The following ETV4 variants were observed in gnomAD, a reference collection of about 807,000 sequenced individuals.
The protein encoded by ETV4 is ETS translocation variant 4.
A neutral mutation model predicts 65.9 loss-of-function variants in ETV4; 42 were observed. The observed-to-expected ratio is 0.64, with a 90% CI of 0.50 to 0.82. The LOEUF (loss-of-function observed/expected upper bound fraction) is 0.82. ETV4 is among the 40% of genes least tolerant of loss of function. The pLI, the probability that ETV4 is intolerant of heterozygous loss-of-function variation, is 0.00. For missense variants in ETV4, 583 were observed against 630.3 expected (o/e 0.92, Z 0.80); for synonymous variants, 238 against 260.0 (o/e 0.92, Z 0.81).
chr17:43,530,536 A>G (rs1970860411), intron 8 of ETV4: 1 of 820,164 alleles, frequency 1.2e-6, no homozygotes, highest in Admixed American at 4.0e-5. Context: ...TTCGGTGTCC[A>G]CGCCTAAGAC....
At chr17:43,536,905 C>T (rs1484673221) in intron 4 of ETV4, among the ~76,000 whole-genome samples, 1 of 152,240 alleles carries the variant, frequency 6.6e-6, no homozygotes. Context: ...CCTGTCTGAG[C>T]AGATTCCAGT....
At chr17:43,530,583 C>A (rs1034144324) in intron 8 of ETV4, 47 of 425,354 alleles carry the variant, frequency 1.1e-4, no homozygotes, top group Middle Eastern at 7.4e-4. Context: ...GTCAGCAGGT[C>A]AGGTTCCCAG....
rs374876992 is a variant in ETV4 at position 43,530,166 on chromosome 17, G to T, written c.827C>A (p.Ala276Glu). Residue 276 changes from alanine to glutamate, a missense_variant, in exon 9 of 13, where the codon GCA becomes GAA. Physicochemically the swap from Ala to Glu is moderately radical, Grantham distance 107. Transcript: ENST00000319349. ...FAYDSDVTGC[A>E]SMYLHTEGFS... ...GCCCTCTGTGTGGAGGTACATTGAT[G>T]CGCACCCGGTGACATCTGTGGGGGA... is the stretch of plus-strand genomic sequence containing the variant. 38 of 1,556,994 alleles carry T rather than the reference G, an allele frequency of 2.4e-5. No homozygotes were observed. Among genetic ancestry groups the T allele is most frequent in the Non-Finnish European group, 3.0e-5 (35 of 1,149,804 alleles).
rs1300035784 is a variant in ETV4 at position 43,540,489 on chromosome 17, C to T, written c.203-4010G>A. Among the ~76,000 whole-genome samples the T allele has an allele frequency of 8.5e-5, 13 of 152,116 alleles. No homozygotes were observed. The South Asian group carries it at 2.1e-3, about 24-fold the overall frequency. ...ATAAAAATAAAATAAAAACACGATT[C>T]CCAGTCCCCTCCTCCGGAGAGTCCC... On this transcript the variant is annotated intron_variant, in intron 4 of 12. Transcript: ENST00000319349.
chr17:43,545,728 G>C, intron 1 of ETV4, 60 bp from the exon 2 acceptor site: 1 of 871,314 alleles, frequency 1.1e-6, no homozygotes, highest in South Asian at 1.5e-5. Context: ...TGGGGGCGGG[G>C]AGGGGGCAGT....
rs1207990232 is a variant in ETV4 at position 43,532,714 on chromosome 17, C to G, written c.771G>C (p.Val257=). 6.2e-7 allele frequency: 1 copy of G among 1,613,846 alleles called. No homozygotes were observed. Among genetic ancestry groups the G allele is most frequent in the Non-Finnish European group, 8.5e-7 (1 of 1,179,900 alleles). ...AGTCCGTCTGTTCCTGTTTGATCACCACCCCCGCCCCTGGGTACCTGTGCC... is the reference window on the plus strand; with the variant it reads ...AGTCCGTCTGTTCCTGTTTGATCACGACCCCCGCCCCTGGGTACCTGTGCC... ...VNGHRYPGAG[V]VIKQEQTDFA... is the part of the protein sequence containing the mutation. Residue 257 remains valine (V), a synonymous_variant, in exon 8 of 13, where the codon GTG becomes GTC. Transcript: ENST00000319349.
chr17:43,537,413 G>C (rs546266565), intron 4 of ETV4, among the ~76,000 whole-genome samples: 1 of 151,846 alleles, frequency 6.6e-6, no homozygotes, highest in Non-Finnish European at 1.5e-5. Context: ...TAGGGGGGTG[G>C]CTGGGCGCAG....
At chr17:43,533,638 C>G (rs1971080457) in intron 6 of ETV4, among the ~76,000 whole-genome samples, 1 of 152,114 alleles carries the variant, frequency 6.6e-6, no homozygotes. Context: ...TTGGTGGAAA[C>G]AGAATCTGCT....
chr17:43,539,088 G>C (rs7222604), intron 4 of ETV4, among the ~76,000 whole-genome samples: 104,704 of 152,124 alleles, frequency 0.69, 37,657 homozygotes, highest in African/African-American at 0.91. Flanking sequence ...CTCCACCTAG[G>C]TGTCACAGTG....
chr17:43,536,179 C>T (rs978239883), intron 5 of ETV4: 5 of 525,444 alleles, frequency 9.5e-6, no homozygotes, highest in Admixed American at 6.9e-5. Flanking sequence ...GGCCCAGGCC[C>T]CTCACTTCAG....
chr17:43,533,613 G>A (rs1359365210), intron 6 of ETV4, among the ~76,000 whole-genome samples: 2 of 152,026 alleles, frequency 1.3e-5, no homozygotes, highest in African/African-American at 4.8e-5. Context: ...TGGTTTAGGT[G>A]GGACAGTGGG....
At chr17:43,537,316 G>A (rs1293041838) in intron 4 of ETV4, among the ~76,000 whole-genome samples, 1 of 152,178 alleles carries the variant, frequency 6.6e-6, no homozygotes, top group Non-Finnish European at 1.5e-5. Context: ...AGTGAGCTGA[G>A]ATCGCACCAC....
At position 43,528,664 on chromosome 17, in the gene ETV4, C is replaced by T. The variant is rs758253627; in HGVS notation, c.1310G>A (p.Arg437His). 5 of 1,614,174 alleles carry T rather than the reference C, an allele frequency of 3.1e-6. No homozygotes were observed. The highest frequency in any genetic ancestry group is 3.3e-5 in the Admixed American group (2 of 60,024). ...LFSLAFPDNQ[R>H]PALKAEFDRP... ...GTCAAACTCAGCCTTGAGAGCTGGA[C>T]GCTGATTGTCCGGGAAGGCCAAAGA... Residue 437 changes from arginine (R) to histidine (H), a missense_variant, in exon 13 of 13, where the codon CGT becomes CAT. Coordinates refer to ENST00000319349, the MANE Select transcript of ETV4 (RefSeq NM_001079675.5).
At position 43,535,032 on chromosome 17, in the gene ETV4, T is replaced by C. The variant is rs186214971; in HGVS notation, c.257-1047A>G. 2.5e-3 allele frequency among the ~76,000 whole-genome samples: 377 copies of C among 152,336 alleles called. 2 individuals carry two copies. The highest frequency in any genetic ancestry group is 8.9e-3 in the African/African-American group (369 of 41,566). On this transcript the variant is annotated intron_variant, in intron 5 of 12. Transcript: ENST00000319349. The stretch of plus-strand genomic sequence containing the variant: ...CAGCTGACTAACATTATACACATGC[T>C]CCTACTTATCTGTGAAGAACACTGG...
chr17:43,535,524 G>A (rs1010258974), intron 5 of ETV4, among the ~76,000 whole-genome samples: 1 of 152,094 alleles, frequency 6.6e-6, no homozygotes, highest in African/African-American at 2.4e-5. Flanking sequence ...TGATCCACGC[G>A]CCTCAGCCTC....
chr17:43,544,352 G>A (rs561474275), intron 4 of ETV4: 19 of 152,910 alleles, frequency 1.2e-4, no homozygotes, highest in Admixed American at 5.2e-4. Flanking sequence ...GTATTCAAGC[G>A]GGATGGAAGA....
intron 4 of ETV4, among the ~76,000 whole-genome samples, chr17:43,539,020 C>T (rs1971390577): frequency 6.6e-6 from 1 of 152,210 alleles, no homozygotes; most frequent in Non-Finnish European, 1.5e-5. Context: ...TTGGATTTCA[C>T]CCACGGCCTC....
rs1971238336 is a variant in ETV4, at chr17:43,536,239, C to T, written c.256+187G>A. 4 of 653,470 alleles carry T rather than the reference C, an allele frequency of 6.1e-6. No individual in the cohort carries two copies. The East Asian group carries it at 1.0e-4, about 17-fold the overall frequency. The allele number at this position is 653,470 out of a possible 1,614,324, so 40.5% of individuals were successfully genotyped here. A position where few individuals can be genotyped will look rare whatever the true frequency, so the allele number is the denominator to read the frequency against. On this transcript the variant is annotated intron_variant, in intron 5 of 12. Coordinates refer to ENST00000319349, the MANE Select transcript of ETV4 (RefSeq NM_001079675.5). ...GGATAGTGTCTGCTCTAAGGTCACA[C>T]AGCAAGAACATGTCAAGCCCCAGAT...
intron 1 of ETV4, chr17:43,545,878 G>T: frequency 1.7e-6 from 1 of 586,016 alleles, no homozygotes. Context: ...CAGGAGCCGG[G>T]CTCGCCGTTT....
Sources: allele counts gnomAD v4.1 joint callset (sites outside exome capture counted in the v4.1 genomes callset), GRCh38; gene constraint gnomAD v4.1.1; transcripts MANE v1.5; gene names NCBI Gene and HGNC (gene_info 2026-07-23, HGNC 2026-07-21).